The following NSMCE2 variants were observed in gnomAD, a reference collection of about 807,000 sequenced individuals.
NSMCE2 encodes NSE2 SUMO ligase component of SMC5/6 complex, also known as E3 SUMO-protein ligase NSE2.
A neutral mutation model predicts 23.8 loss-of-function variants in NSMCE2; 24 were observed. The observed-to-expected ratio is 1.01, with a 90% confidence interval of 0.73 to 1.42. The LOEUF (loss-of-function observed/expected upper bound fraction) is 1.42, where lower values mean the gene tolerates loss of function less well. NSMCE2 is among the 40% of genes most tolerant of loss of function. NSMCE2 has a pLI of 0.00. For missense variants in NSMCE2, 284 were observed against 296.5 expected (o/e 0.96, Z 0.31); for synonymous variants, 92 against 94.1 (o/e 0.98, Z 0.13).
intron 5 of NSMCE2, among the ~76,000 whole-genome samples, chr8:125,199,941 T>C (rs1823792430): frequency 6.6e-6 from 1 of 152,238 alleles, no homozygotes; most frequent in Non-Finnish European, 1.5e-5. Context: ...TGGCCTTCTT[T>C]GTCTCTTGAT....
intron 5 of NSMCE2, among the ~76,000 whole-genome samples, chr8:125,326,198 A>G (rs1829658311): frequency 6.6e-6 from 1 of 152,114 alleles, no homozygotes; most frequent in South Asian, 2.1e-4. Context: ...CAGAGCTTGC[A>G]GTGAGCCGAG....
At chr8:125,122,172 CAAAAAAAA>C (rs796879544) in intron 3 of NSMCE2, among the ~76,000 whole-genome samples, 3 of 45,976 alleles carry the variant, frequency 6.5e-5, no homozygotes, top group Non-Finnish European at 4.1e-5. Flanking sequence ...CTGGCTGAGC[CAAAAAAAA>C]AAAAAAAAAA....
chr8:125,243,814 C>T (rs182328614), intron 5 of NSMCE2, among the ~76,000 whole-genome samples: 119 of 152,240 alleles, frequency 7.8e-4, no homozygotes, highest in Admixed American at 1.8e-3. Flanking sequence ...GCATCCGTCA[C>T]CTTAGGCATT....
At chr8:125,242,773 C>G (rs769394861) in intron 5 of NSMCE2, among the ~76,000 whole-genome samples, 5 of 152,182 alleles carry the variant, frequency 3.3e-5, no homozygotes, top group Non-Finnish European at 5.9e-5. Context: ...GTCCCCCACT[C>G]ACAGCACAAA....
intron 5 of NSMCE2, among the ~76,000 whole-genome samples, chr8:125,287,785 G>T (rs574639202): frequency 2.2e-4 from 34 of 152,074 alleles, no homozygotes; most frequent in African/African-American, 6.8e-4. Flanking sequence ...TTGGCAGCCC[G>T]ATCTCTTCCA....
At chr8:125,156,333 C>A (rs938666479) in intron 4 of NSMCE2, 3 of 155,984 alleles carry the variant, frequency 1.9e-5, no homozygotes, top group Non-Finnish European at 4.3e-5. Flanking sequence ...GTATGTGCTG[C>A]TTCTGGATGT....
At chr8:125,217,157 C>T (rs930044729) in intron 5 of NSMCE2, among the ~76,000 whole-genome samples, 1 of 152,032 alleles carries the variant, frequency 6.6e-6, no homozygotes, top group Non-Finnish European at 1.5e-5. Context: ...CCAAGCTACC[C>T]CTTTGATAGT....
intron 3 of NSMCE2, among the ~76,000 whole-genome samples, chr8:125,123,694 G>A (rs1045498347): frequency 5.3e-5 from 8 of 152,144 alleles, no homozygotes; most frequent in Admixed American, 3.9e-4. Flanking sequence ...TATTAAGTTT[G>A]GAACATTAAG....
intron 3 of NSMCE2, among the ~76,000 whole-genome samples, chr8:125,135,657 T>G (rs1006574360): frequency 2.6e-5 from 4 of 152,238 alleles, no homozygotes; most frequent in African/African-American, 9.6e-5. Flanking sequence ...CACCATTTGT[T>G]GCTGAAGACT....
chr8:125,186,328 G>T (rs1563705794), intron 5 of NSMCE2, among the ~76,000 whole-genome samples: 1 of 152,150 alleles, frequency 6.6e-6, no homozygotes, highest in Non-Finnish European at 1.5e-5. Context: ...TTTATTATCT[G>T]ACTTTTTACA....
intron 5 of NSMCE2, among the ~76,000 whole-genome samples, chr8:125,342,230 G>A (rs1030595001): frequency 5.3e-5 from 8 of 152,234 alleles, no homozygotes; most frequent in Non-Finnish European, 1.2e-4. Flanking sequence ...TGAGCTTTCA[G>A]TGAGAAAGAA....
In NSMCE2 at chr8:125,191,392, A is replaced by G. The variant is rs76577107; in HGVS notation, c.418+9136A>G. On this transcript the variant is annotated intron_variant, in intron 5 of 7. Transcript: ENST00000287437. ...GTTTTTTCTTTCTCTCAATTCAAGC[A>G]TACCATTCATTTCTTGGAAAAAAAA... Among the ~76,000 whole-genome samples the G allele has an allele frequency of 5.7e-4, 87 of 152,186 alleles. No individual in the cohort carries two copies. The East Asian group carries it at 0.014, about 25-fold the overall frequency.
intron 5 of NSMCE2, among the ~76,000 whole-genome samples, chr8:125,237,757 A>T (rs373681301): frequency 6.6e-6 from 1 of 152,216 alleles, no homozygotes. Context: ...TGCAAGGCTT[A>T]TCAGGGTAAA....
chr8:125,216,832 G>A (rs1045293537), intron 5 of NSMCE2, among the ~76,000 whole-genome samples: 1 of 152,106 alleles, frequency 6.6e-6, no homozygotes, highest in Admixed American at 6.5e-5. Context: ...GAATTTTCGG[G>A]TAAAGACGAG....
intron 5 of NSMCE2, among the ~76,000 whole-genome samples, chr8:125,211,199 T>G (rs1156560667): frequency 1.3e-5 from 2 of 152,192 alleles, no homozygotes; most frequent in Non-Finnish European, 2.9e-5. Flanking sequence ...TCTTTTTTAT[T>G]AGGTGATACA....
intron 5 of NSMCE2, among the ~76,000 whole-genome samples, chr8:125,262,380 C>T (rs1438767363): frequency 7.2e-5 from 11 of 152,014 alleles, no homozygotes; most frequent in Admixed American, 2.6e-4. Flanking sequence ...GCAGAGATCG[C>T]GCCACTGCAT....
intron 5 of NSMCE2, among the ~76,000 whole-genome samples, chr8:125,229,157 G>A (rs781514611): frequency 1.7e-4 from 26 of 152,144 alleles, no homozygotes; most frequent in Non-Finnish European, 3.7e-4. Flanking sequence ...CAAGATAGAA[G>A]ACCACAACAG....
At chr8:125,172,591 G>T (rs1265548873) in intron 4 of NSMCE2, among the ~76,000 whole-genome samples, 1 of 152,152 alleles carries the variant, frequency 6.6e-6, no homozygotes. Flanking sequence ...AGATATCTGA[G>T]CTGAGCTTAT....
intron 5 of NSMCE2, among the ~76,000 whole-genome samples, chr8:125,291,426 A>G (rs1437130892): frequency 6.6e-6 from 1 of 152,200 alleles, no homozygotes; most frequent in Non-Finnish European, 1.5e-5. Context: ...GTAAACTCTT[A>G]GCCTGGAGCT....
Sources: allele counts gnomAD v4.1 joint callset (sites outside exome capture counted in the v4.1 genomes callset), GRCh38; gene constraint gnomAD v4.1.1; transcripts MANE v1.5; gene names NCBI Gene and HGNC (gene_info 2026-07-23, HGNC 2026-07-21).